Variants in DRC2 observed in about 807,000 individuals in gnomAD.
The protein encoded by DRC2 is dynein regulatory complex subunit 2, also known as coiled-coil domain containing 65.
At chr12:48,912,152 G>A in the DRC2 span, among the ~76,000 whole-genome samples, 2 of 151,926 alleles carry the variant, frequency 1.3e-5, no homozygotes, top group Non-Finnish European at 2.9e-5. Flanking sequence ...CCCAGCTACT[G>A]TGGGAGGCTG....
At chr12:48,914,674 T>C in the DRC2 span, 3 of 1,081,370 alleles carry the variant, frequency 2.8e-6, no homozygotes, top group Non-Finnish European at 4.0e-6. Flanking sequence ...TCTTGGAGCA[T>C]CCCACATTGA....
the DRC2 span, chr12:48,918,793 A>C: frequency 6.2e-6 from 10 of 1,614,066 alleles, no homozygotes; most frequent in Non-Finnish European, 7.6e-6. Flanking sequence ...ACAACTGCGA[A>C]AACTTAAGGC....
chr12:48,906,419 G>A, the DRC2 span, among the ~76,000 whole-genome samples: 1 of 151,144 alleles, frequency 6.6e-6, no homozygotes, highest in Admixed American at 6.6e-5. Flanking sequence ...CTGAGTAGCT[G>A]GGATTACAGG....
chr12:48,919,909 C>G, the DRC2 span, among the ~76,000 whole-genome samples: 1 of 150,258 alleles, frequency 6.7e-6, no homozygotes, highest in Non-Finnish European at 1.5e-5. Context: ...TTGCTTGAGC[C>G]CAAGAGTTTG....
At chr12:48,910,949 G>A in the DRC2 span, among the ~76,000 whole-genome samples, 2 of 152,196 alleles carry the variant, frequency 1.3e-5, no homozygotes, top group African/African-American at 4.8e-5. Flanking sequence ...GGAGGCTGAG[G>A]TAGGAGGATC....
At chr12:48,912,837 G>T in the DRC2 span, among the ~76,000 whole-genome samples, 2 of 151,852 alleles carry the variant, frequency 1.3e-5, no homozygotes, top group African/African-American at 4.8e-5. Context: ...TATTTTTTAT[G>T]ATAAGATACC....
At chr12:48,913,644 C>T in the DRC2 span, among the ~76,000 whole-genome samples, 1 of 152,150 alleles carries the variant, frequency 6.6e-6, no homozygotes, top group Non-Finnish European at 1.5e-5. Flanking sequence ...CAGGCACCTG[C>T]CACCATGGCC....
the DRC2 span, chr12:48,904,811 C>T: frequency 1.4e-6 from 1 of 700,812 alleles, no homozygotes; most frequent in Non-Finnish European, 2.3e-6. Context: ...GGAAATTCAC[C>T]CTTGCCCTCC....
At chr12:48,907,512 C>A in the DRC2 span, among the ~76,000 whole-genome samples, 2 of 151,948 alleles carry the variant, frequency 1.3e-5, no homozygotes, top group Non-Finnish European at 2.9e-5. Context: ...ATATTAACCA[C>A]CTTCAGGGTC....
At chr12:48,918,758 G>A in the DRC2 span, 84 of 1,614,078 alleles carry the variant, frequency 5.2e-5, no homozygotes, top group African/African-American at 4.8e-4. Flanking sequence ...CGGTATATCC[G>A]TAATGACAAG....
At chr12:48,918,639 C>G in the DRC2 span, 1 of 1,581,308 alleles carries the variant, frequency 6.3e-7, no homozygotes, top group African/African-American at 1.4e-5. Flanking sequence ...ACTGAAGACC[C>G]TCAGTTGGTC....
At chr12:48,912,468 G>A in the DRC2 span, among the ~76,000 whole-genome samples, 1 of 72,996 alleles carries the variant, frequency 1.4e-5, no homozygotes, top group Middle Eastern at 6.6e-3. Context: ...AAATTCATGT[G>A]CACTTGGCTT....
the DRC2 span, chr12:48,921,500 T>C: frequency 6.6e-7 from 1 of 1,523,304 alleles, no homozygotes; most frequent in East Asian, 2.3e-5. Flanking sequence ...AGGAAAAAAA[T>C]CTTTCAACTC....
chr12:48,921,095 G>A, the DRC2 span: 1 of 1,610,874 alleles, frequency 6.2e-7, no homozygotes, highest in Non-Finnish European at 8.5e-7. Flanking sequence ...AAAGCCCGGG[G>A]GATGGTGGGG....
chr12:48,918,406 G>A, the DRC2 span: 1 of 1,614,162 alleles, frequency 6.2e-7, no homozygotes, highest in Non-Finnish European at 8.5e-7. Flanking sequence ...TTGAGACCCT[G>A]CAGGTGAAGG....
At chr12:48,904,555 A>T in the DRC2 span, 1 of 1,501,018 alleles carries the variant, frequency 6.7e-7, no homozygotes, top group Admixed American at 2.2e-5. Context: ...TTTCATCCTG[A>T]CCTCCCCTCC....
chr12:48,919,395 C>T, the DRC2 span, among the ~76,000 whole-genome samples: 3 of 151,646 alleles, frequency 2.0e-5, no homozygotes, highest in African/African-American at 7.3e-5. Context: ...GATGGGGTTT[C>T]GCCATGTTGC....
the DRC2 span, among the ~76,000 whole-genome samples, chr12:48,920,446 A>ATT: frequency 1.3e-4 from 17 of 134,300 alleles, no homozygotes; most frequent in East Asian, 5.9e-4. Context: ...CATCTTAAAA[A>ATT]AAAAAAAAAA....
At chr12:48,917,577 A>T in the DRC2 span, among the ~76,000 whole-genome samples, 14 of 152,182 alleles carry the variant, frequency 9.2e-5, no homozygotes, top group Admixed American at 5.2e-4. Context: ...GGTATCCCTA[A>T]TGCTTTTTGT....
Sources: gnomAD v4.1 joint callset for allele counts (sites outside exome capture counted in the v4.1 genomes callset) on GRCh38, gnomAD v4.1.1 for gene constraint, MANE v1.5 for transcripts, NCBI Gene and HGNC (gene_info 2026-07-23, HGNC 2026-07-21) for gene names.